Variants in GMDS observed in about 807,000 individuals in gnomAD.
GMDS encodes the protein GDP-mannose 4,6-dehydratase.
A neutral mutation model predicts 49.9 loss-of-function variants in GMDS; 20 were observed. The observed-to-expected ratio is 0.40, with a 90% confidence interval of 0.28 to 0.58. The LOEUF (loss-of-function observed/expected upper bound fraction) is 0.58. Ranked by LOEUF, GMDS falls within the 20% of genes least tolerant of loss-of-function variation. The pLI is 0.42. For missense variants in GMDS, 362 were observed against 481.4 expected (o/e 0.75, Z 2.32); for synonymous variants, 177 against 178.6 (o/e 0.99, Z 0.07).
intron 4 of GMDS, among the ~76,000 whole-genome samples, chr6:2,087,543 C>A (rs1229252907): frequency 1.3e-5 from 2 of 152,188 alleles, no homozygotes; most frequent in Non-Finnish European, 2.9e-5. Context: ...ACAATTTGCA[C>A]TCAGGCCCAC....
At chr6:1,801,263 T>C (rs1769939478) in intron 7 of GMDS, among the ~76,000 whole-genome samples, 1 of 152,230 alleles carries the variant, frequency 6.6e-6, no homozygotes, top group Admixed American at 6.5e-5. Flanking sequence ...TTCCAGTTTG[T>C]TCATGAGTTT....
chr6:1,728,245 ACTAT>A (rs977240219), intron 8 of GMDS, among the ~76,000 whole-genome samples: 63 of 152,338 alleles, frequency 4.1e-4, no homozygotes, highest in African/African-American at 1.5e-3. Context: ...TTTTTAAATA[ACTAT>A]CTAATTCTAA....
chr6:1,865,343 T>C (rs1272375824), intron 7 of GMDS, among the ~76,000 whole-genome samples: 3 of 152,160 alleles, frequency 2.0e-5, no homozygotes, highest in Non-Finnish European at 2.9e-5. Context: ...TAGTACAGAA[T>C]TGAGTTTGTG....
chr6:2,080,062 G>C (rs1004353394), intron 4 of GMDS, among the ~76,000 whole-genome samples: 2 of 152,056 alleles, frequency 1.3e-5, no homozygotes, highest in South Asian at 2.1e-4. Flanking sequence ...TTCTGTCTTT[G>C]AGTTGTCAGA....
intron 1 of GMDS, among the ~76,000 whole-genome samples, chr6:2,206,706 TC>T (rs1366013971): frequency 6.6e-6 from 1 of 152,212 alleles, no homozygotes; most frequent in African/African-American, 2.4e-5. Flanking sequence ...CCCTCAGAGC[TC>T]TGGCTTGGTA....
chr6:2,171,536 TAA>T (rs1778006255), intron 1 of GMDS, among the ~76,000 whole-genome samples: 2 of 152,158 alleles, frequency 1.3e-5, no homozygotes, highest in African/African-American at 4.8e-5. Flanking sequence ...AAACACAGAA[TAA>T]AGTCTGTCTA....
chr6:2,045,291 G>A (rs1333725179), intron 4 of GMDS, among the ~76,000 whole-genome samples: 1 of 151,344 alleles, frequency 6.6e-6, no homozygotes, highest in African/African-American at 2.4e-5. Context: ...TTCTTGATTA[G>A]CACTGGCAAT....
At chr6:2,015,859 CTT>C (rs967140436) in intron 4 of GMDS, among the ~76,000 whole-genome samples, 3 of 152,080 alleles carry the variant, frequency 2.0e-5, no homozygotes, top group African/African-American at 7.2e-5. Context: ...ACTAGCATGA[CTT>C]TTTCTTTCCC....
chr6:1,683,565 C>T (rs1764869760), intron 9 of GMDS, among the ~76,000 whole-genome samples: 1 of 152,278 alleles, frequency 6.6e-6, no homozygotes, highest in African/African-American at 2.4e-5. Context: ...CTTCTCCCAC[C>T]TTTAGCAAAT....
At chr6:2,088,784 A>G (rs1252052968) in intron 4 of GMDS, among the ~76,000 whole-genome samples, 3 of 152,046 alleles carry the variant, frequency 2.0e-5, no homozygotes, top group Non-Finnish European at 4.4e-5. Context: ...CCACCAAGAG[A>G]GCTGAAGCTC....
intron 7 of GMDS, among the ~76,000 whole-genome samples, chr6:1,912,073 T>C (rs1761090827): frequency 6.6e-6 from 1 of 152,190 alleles, no homozygotes; most frequent in South Asian, 2.1e-4. Context: ...TCACTAAAAA[T>C]AAGTGATCTT....
At chr6:1,985,405 T>C (rs1765486468) in intron 4 of GMDS, among the ~76,000 whole-genome samples, 4 of 151,972 alleles carry the variant, frequency 2.6e-5, no homozygotes, top group Admixed American at 1.3e-4. Context: ...AAAAAGAACA[T>C]TAATGTCAAG....
intron 2 of GMDS, among the ~76,000 whole-genome samples, chr6:2,121,149 A>G (rs1018996615): frequency 2.0e-5 from 3 of 152,226 alleles, no homozygotes; most frequent in Non-Finnish European, 4.4e-5. Flanking sequence ...ACAGGTGTCC[A>G]GTGCCCAGCC....
chr6:1,738,696 A>G (rs1403694068), intron 8 of GMDS, among the ~76,000 whole-genome samples: 1 of 145,274 alleles, frequency 6.9e-6, no homozygotes, highest in Non-Finnish European at 1.6e-5. Context: ...TAGCTTAATT[A>G]ATGGCAATGC....
At chr6:2,117,632 T>C in intron 2 of GMDS, 76 bp from the exon 3 acceptor site, 1 of 789,870 alleles carries the variant, frequency 1.3e-6, no homozygotes, top group Non-Finnish European at 2.2e-6. Context: ...TGTTTAGCTT[T>C]ATGAAAAAAA....
At chr6:1,719,413 C>G (rs983540265) in intron 9 of GMDS, among the ~76,000 whole-genome samples, 2 of 152,258 alleles carry the variant, frequency 1.3e-5, no homozygotes, top group Non-Finnish European at 2.9e-5. Flanking sequence ...GTCTGCAGAG[C>G]AACTGTTTTC....
intron 7 of GMDS, among the ~76,000 whole-genome samples, chr6:1,792,493 T>C (rs886852692): frequency 6.6e-6 from 1 of 152,188 alleles, no homozygotes; most frequent in African/African-American, 2.4e-5. Context: ...CTTCCTTTGC[T>C]GTCATCCTGA....
At chr6:2,195,193 T>G (rs949957164) in intron 1 of GMDS, among the ~76,000 whole-genome samples, 7 of 152,368 alleles carry the variant, frequency 4.6e-5, no homozygotes, top group Non-Finnish European at 1.0e-4. Flanking sequence ...TGAATTTCAC[T>G]GTCTTTTCCT....
chr6:2,129,240 A>T (rs1230386063), intron 1 of GMDS, among the ~76,000 whole-genome samples: 1 of 152,170 alleles, frequency 6.6e-6, no homozygotes, highest in African/African-American at 2.4e-5. Flanking sequence ...GGCTAAAAAA[A>T]AGACTGATCT....
Sources: gnomAD v4.1 joint callset for allele counts (sites outside exome capture counted in the v4.1 genomes callset) on GRCh38, gnomAD v4.1.1 for gene constraint, MANE v1.5 for transcripts, NCBI Gene and HGNC (gene_info 2026-07-23, HGNC 2026-07-21) for gene names.